NTRK3: variants seen among roughly 807,000 people sequenced by gnomAD.
The protein encoded by NTRK3 is NT-3 growth factor receptor.
NTRK3 carries 24 observed loss-of-function variants against 91.7 expected under a neutral mutation model. The ratio of observed to expected loss-of-function variants is 0.26; its 90% confidence interval spans 0.19 to 0.37. The LOEUF (loss-of-function observed/expected upper bound fraction) is 0.37, where lower values mean the gene tolerates loss of function less well. Among genes scored for constraint, NTRK3 ranks in the 10% least tolerant of loss-of-function variants. NTRK3 has a pLI of 1.00. For synonymous variants in NTRK3, 483 were observed against 404.0 expected, an observed-to-expected ratio of 1.20 and a Z score of -2.34; for missense variants, 880 against 1,068.9, an observed-to-expected ratio of 0.82 and a Z score of 2.46.
intron 13 of NTRK3, among the ~76,000 whole-genome samples, chr15:88,054,817 T>C (rs1461664662): frequency 2.0e-5 from 3 of 152,210 alleles, no homozygotes; most frequent in South Asian, 4.1e-4. Flanking sequence ...GTGCTTACTA[T>C]GTTTCAGGCA....
chr15:88,187,555 A>G (rs971640355), intron 3 of NTRK3, among the ~76,000 whole-genome samples: 7 of 152,200 alleles, frequency 4.6e-5, no homozygotes, highest in Admixed American at 1.3e-4. Context: ...GCCTTTGTCA[A>G]TGGTGAGTAT....
chr15:88,255,079 T>C lies in NTRK3; in HGVS notation c.248+827A>G, dbSNP rs2053874246. Among the ~76,000 whole-genome samples, 1 of 152,074 alleles carries C rather than the reference T, an allele frequency of 6.6e-6. No homozygotes were observed. The highest frequency in any genetic ancestry group is 6.5e-5 in the Admixed American group (1 of 15,276). Reference sequence around the variant, plus strand: ...AGCAAAAGCCAGCCAGAGTTGAATGTTCCAAATGAACCGATCCGCACGATC... The same window carrying C: ...AGCAAAAGCCAGCCAGAGTTGAATGCTCCAAATGAACCGATCCGCACGATC... On this transcript the variant is annotated intron_variant, in intron 3 of 18. Coordinates refer to ENST00000394480, the Ensembl canonical transcript of NTRK3. The surrounding 1 kb of genome is among the most constrained non-coding windows in gnomAD (Gnocchi z 4.3).
intron 5 of NTRK3, among the ~76,000 whole-genome samples, chr15:88,160,335 G>C (rs1597678050): frequency 6.6e-6 from 1 of 152,206 alleles, no homozygotes; most frequent in East Asian, 1.9e-4. Context: ...CTGGTTGCCT[G>C]AGGATGGGGA....
intron 17 of NTRK3, among the ~76,000 whole-genome samples, chr15:87,906,632 T>C (rs1261771005): frequency 2.0e-5 from 3 of 152,212 alleles, no homozygotes; most frequent in Non-Finnish European, 4.4e-5. Context: ...ATTTCATCCA[T>C]ACAGTAAGTT....
rs114380950 is a variant in NTRK3, at chr15:87,952,096, C to G, written c.1586-11343G>C. Reference sequence around the variant, plus strand: ...CAGCCGAGATGGCGCCACCGCACTCCAGGCTGGGCAACAGAGCAAGATTCC... The same window carrying G: ...CAGCCGAGATGGCGCCACCGCACTCGAGGCTGGGCAACAGAGCAAGATTCC... On this transcript the variant is annotated intron_variant, in intron 14 of 18. Transcript: ENST00000394480. Among the ~76,000 whole-genome samples, 1,092 of 150,988 alleles carry G rather than the reference C, an allele frequency of 7.2e-3. 10 individuals are homozygous for G. The highest frequency in any genetic ancestry group is 0.025 in the African/African-American group (1,030 of 41,010).
intron 17 of NTRK3, chr15:87,926,799 T>A (rs1337714515): frequency 6.6e-6 from 1 of 152,168 alleles, no homozygotes; most frequent in Non-Finnish European, 1.5e-5. Flanking sequence ...TCCAGTGAAG[T>A]CAGTAGTTAT....
intron 13 of NTRK3, among the ~76,000 whole-genome samples, chr15:88,117,784 G>T (rs1299482616): frequency 6.6e-6 from 1 of 152,222 alleles, no homozygotes; most frequent in Non-Finnish European, 1.5e-5. Flanking sequence ...TTACTTGGTT[G>T]GTCTCTCTCT....
At chr15:88,072,628 G>T (rs2047190367) in intron 13 of NTRK3, 1 of 232,240 alleles carries the variant, frequency 4.3e-6, no homozygotes, top group South Asian at 1.8e-4. Context: ...TATTCTTATT[G>T]TAACACAGTT....
At chr15:88,206,923 C>A (rs1038899517) in intron 3 of NTRK3, among the ~76,000 whole-genome samples, 6 of 152,216 alleles carry the variant, frequency 3.9e-5, no homozygotes, top group Admixed American at 1.3e-4. Context: ...CCCTGGTCAA[C>A]TCCTTCAAGT....
chr15:88,113,313 T>A (rs371976421), intron 13 of NTRK3, among the ~76,000 whole-genome samples: 1 of 85,284 alleles, frequency 1.2e-5, no homozygotes, highest in South Asian at 3.6e-4. Flanking sequence ...ATCAATTTCT[T>A]TTTTTTTTTT....
At chr15:88,192,767 C>T (rs1337601537) in intron 3 of NTRK3, among the ~76,000 whole-genome samples, 1 of 152,068 alleles carries the variant, frequency 6.6e-6, no homozygotes, top group Non-Finnish European at 1.5e-5. Context: ...AACTGGACCT[C>T]CTACGTGAAA....
At chr15:88,216,881 T>C (rs545492990) in intron 3 of NTRK3, among the ~76,000 whole-genome samples, 50 of 152,316 alleles carry the variant, frequency 3.3e-4, no homozygotes, top group African/African-American at 1.2e-3. Flanking sequence ...TGTCTTAATC[T>C]GCAAGTCCCA....
intron 13 of NTRK3, among the ~76,000 whole-genome samples, chr15:88,113,257 G>A (rs1210956037): frequency 6.7e-6 from 1 of 150,146 alleles, no homozygotes; most frequent in Non-Finnish European, 1.5e-5. Context: ...ATTATGACCT[G>A]CTTCTTCAAA....
At chr15:88,120,166 G>A (rs886185043) in intron 13 of NTRK3, among the ~76,000 whole-genome samples, 5 of 152,160 alleles carry the variant, frequency 3.3e-5, no homozygotes, top group South Asian at 2.1e-4. Flanking sequence ...TTAGACAACC[G>A]GTGAAACCAG....
At chr15:88,062,093 A>C (rs2046273395) in intron 13 of NTRK3, among the ~76,000 whole-genome samples, 1 of 152,210 alleles carries the variant, frequency 6.6e-6, no homozygotes, top group Admixed American at 6.5e-5. Flanking sequence ...TTTATACATA[A>C]TCTAGAGATG....
At chr15:88,249,823 G>T (rs184461779) in intron 3 of NTRK3, among the ~76,000 whole-genome samples, 91 of 152,260 alleles carry the variant, frequency 6.0e-4, no homozygotes, top group African/African-American at 2.1e-3. Context: ...AATGACAAAT[G>T]ACATGAGCTG....
rs1055355311 is a variant in NTRK3, at chr15:87,929,299, A to G, written c.2025T>C (p.Phe675=). ...TCCTGGTGGCCAGGTCTCGGTGCAC[A>G]AAGTGCTGGGAGGCCAGGTACACCA... The change falls in exon 17 of 19, where the codon TTT becomes TTC. Residue 675 remains phenylalanine, a synonymous_variant. Transcript: ENST00000394480. 10 of 1,613,922 alleles carry G rather than the reference A, an allele frequency of 6.2e-6. No homozygotes were observed. The African/African-American group carries it at 1.1e-4, about 17-fold the overall frequency.
rs1031652279 is a variant in NTRK3, at chr15:88,235,869, C to A, written c.248+20037G>T. On this transcript the variant is annotated intron_variant, in intron 3 of 18. Transcript: ENST00000394480. This position sits in a 1 kb window ranked among gnomAD's most constrained non-coding sequence, Gnocchi z 5.2. ...GCTCTGCCACCTACCAGTTGGATGA[C>A]CTTGAACAAGTGACGCCACCCTTCT... Among the ~76,000 whole-genome samples, 1 of 152,234 alleles carries A rather than the reference C, an allele frequency of 6.6e-6. No individual in the cohort carries two copies. The highest frequency in any genetic ancestry group is 1.5e-5 in the Non-Finnish European group (1 of 68,042).
At chr15:88,184,114 G>T in intron 4 of NTRK3, 111 bp downstream of exon 4, 1 of 1,055,456 alleles carries the variant, frequency 9.5e-7, no homozygotes, top group Non-Finnish European at 1.4e-6. Context: ...ACCTGGGGGA[G>T]AAAGCACGGA....
Sources: allele counts gnomAD v4.1 joint callset (sites outside exome capture counted in the v4.1 genomes callset), GRCh38; gene constraint gnomAD v4.1.1; non-coding constraint Gnocchi (gnomAD v3.1); transcripts MANE v1.5; gene names NCBI Gene and HGNC (gene_info 2026-07-23, HGNC 2026-07-21).